TRMT11: variants seen among roughly 807,000 people sequenced by gnomAD.
The protein encoded by TRMT11 is tRNA methyltransferase 11.
TRMT11 carries 53 observed loss-of-function variants against 62.8 expected under a neutral mutation model. That is an observed-to-expected ratio of 0.84 (90% confidence interval 0.68 to 1.06). TRMT11 has a LOEUF of 1.06. Ranked by LOEUF, TRMT11 falls within the 50% of genes least tolerant of loss-of-function variation. The pLI, the probability that TRMT11 is intolerant of heterozygous loss-of-function variation, is 0.00. For synonymous variants in TRMT11, 188 were observed against 190.3 expected, an observed-to-expected ratio of 0.99 and a Z score of 0.10; for missense variants, 556 against 553.4, an observed-to-expected ratio of 1.00 and a Z score of -0.05.
chr6:125,998,090 G>A lies in TRMT11; in HGVS notation c.250G>A (p.Glu84Lys). Residue 84 changes from glutamate (E) to lysine (K), a missense_variant, in exon 4 of 13, where the codon GAG becomes AAG. By Grantham distance (56) the Glu-to-Lys change is moderately conservative. Transcript: ENST00000334379. ...ACTATGGGGTCATGGACAATCTCCT[G>A]AGGAGCTGTACAGTTCTCTTAAAAA... ...FELWGHGQSPEELYSSLKNYP... is the reference protein window; with the variant it reads ...FELWGHGQSPKELYSSLKNYP... The A allele has an allele frequency of 6.2e-7, 1 of 1,613,544 alleles. No individual in the cohort carries two copies. The highest frequency in any genetic ancestry group is 8.5e-7 in the Non-Finnish European group (1 of 1,179,684).
the TRMT11 span, among the ~76,000 whole-genome samples, chr6:126,232,152 G>A: frequency 6.6e-6 from 1 of 152,046 alleles, no homozygotes; most frequent in Non-Finnish European, 1.5e-5. Context: ...TTGTGTTTGT[G>A]TGTGTGTGTG....
At chr6:126,172,710 T>C (rs1778344023), upstream of TRMT11, among the ~76,000 whole-genome samples, 1 of 152,166 alleles carries the variant, frequency 6.6e-6, no homozygotes, top group South Asian at 2.1e-4. Flanking sequence ...CTTTGCAAAC[T>C]AGAGTCTTCA....
At chr6:126,257,899 C>G in the TRMT11 span, 1 of 1,461,520 alleles carries the variant, frequency 6.8e-7, no homozygotes, top group South Asian at 1.1e-5. Flanking sequence ...CCTGAGCCAC[C>G]ATTCACCTGG....
At chr6:126,029,969 A>G (rs936794402) in intron 12 of TRMT11, among the ~76,000 whole-genome samples, 1 of 152,182 alleles carries the variant, frequency 6.6e-6, no homozygotes, top group Non-Finnish European at 1.5e-5. Context: ...AGCACTCTAG[A>G]TATGAAGATT....
intron 5 of TRMT11, 27 bp downstream of exon 5, chr6:125,998,342 C>A: frequency 1.4e-6 from 2 of 1,477,768 alleles, no homozygotes; most frequent in Non-Finnish European, 1.9e-6. Context: ...AAACAAAAAA[C>A]CTACATGATG....
chr6:126,086,221 A>G (rs973298774), intron 17 of TRMT11, among the ~76,000 whole-genome samples: 2 of 152,226 alleles, frequency 1.3e-5, no homozygotes, highest in African/African-American at 4.8e-5. Context: ...GGTTTAATAC[A>G]TCAGATCATG....
downstream of TRMT11, among the ~76,000 whole-genome samples, chr6:126,205,763 G>A (rs1778783153): frequency 6.6e-6 from 1 of 151,988 alleles, no homozygotes; most frequent in African/African-American, 2.4e-5. Context: ...AGGAGTTGAA[G>A]GAAAAATTGT....
chr6:126,058,057 T>A (rs1776421499), intron 17 of TRMT11, among the ~76,000 whole-genome samples: 1 of 152,106 alleles, frequency 6.6e-6, no homozygotes, highest in African/African-American at 2.4e-5. Flanking sequence ...GCTGCACCCA[T>A]CAGCCCGACA....
intron 21 of TRMT11, among the ~76,000 whole-genome samples, chr6:126,136,104 T>C (rs1041578453): frequency 9.9e-5 from 15 of 151,716 alleles, no homozygotes; most frequent in Non-Finnish European, 1.8e-4. Context: ...TTTCACCATA[T>C]GTATTCAACA....
chr6:126,178,687 G>T (rs929570451), intron 1 of TRMT11, among the ~76,000 whole-genome samples: 1 of 152,144 alleles, frequency 6.6e-6, no homozygotes, highest in African/African-American at 2.4e-5. Context: ...TAGAAAAACT[G>T]AGAAAACCAG....
intron 1 of TRMT11, among the ~76,000 whole-genome samples, chr6:126,194,924 G>A (rs1208392690): frequency 2.0e-5 from 3 of 152,056 alleles, no homozygotes; most frequent in Non-Finnish European, 2.9e-5. Context: ...AGATCAGCCC[G>A]AGCAACATAG....
intron 21 of TRMT11, among the ~76,000 whole-genome samples, chr6:126,156,349 C>G (rs1778121621): frequency 1.3e-5 from 2 of 152,172 alleles, no homozygotes; most frequent in Non-Finnish European, 2.9e-5. Context: ...CCTGGCACTG[C>G]CCTCGTAGAG....
intron 16 of TRMT11, among the ~76,000 whole-genome samples, chr6:126,049,645 A>G (rs912996953): frequency 6.6e-6 from 1 of 152,164 alleles, no homozygotes. Context: ...GGGTGATGAG[A>G]CCTACACATA....
chr6:126,074,648 G>T (rs1391753361), intron 17 of TRMT11, among the ~76,000 whole-genome samples: 2 of 152,008 alleles, frequency 1.3e-5, no homozygotes, highest in Admixed American at 6.6e-5. Context: ...TTTTTCTTAA[G>T]AATTTTTTTA....
At chr6:126,268,956 G>A in the TRMT11 span, among the ~76,000 whole-genome samples, 87 of 152,070 alleles carry the variant, frequency 5.7e-4, no homozygotes, top group African/African-American at 2.0e-3. Flanking sequence ...AAACATATTA[G>A]TCATATAAAA....
rs1204623399 is a variant in TRMT11, at chr6:126,068,893, C to T, written c.*1437+15703C>T. 2.6e-5 allele frequency among the ~76,000 whole-genome samples: 4 copies of T among 152,184 alleles called. No homozygotes were observed. In the East Asian group the frequency reaches 7.7e-4, roughly 29 times the overall value. On this transcript the variant is annotated intron_variant and NMD_transcript_variant, in intron 17 of 22. Coordinates refer to the TRMT11 transcript ENST00000648977. ...AGTGAGTGACAATATGCCCGGTCTA[C>T]CAAGTTCAGGTGCACTCTAGAAATG...
At chr6:126,248,505 A>G in the TRMT11 span, among the ~76,000 whole-genome samples, 1 of 152,102 alleles carries the variant, frequency 6.6e-6, no homozygotes, top group Non-Finnish European at 1.5e-5. Flanking sequence ...GATAACAAGA[A>G]AAAAAAACAA....
At chr6:126,141,494 G>C (rs1583887153) in intron 21 of TRMT11, among the ~76,000 whole-genome samples, 1 of 152,100 alleles carries the variant, frequency 6.6e-6, no homozygotes, top group African/African-American at 2.4e-5. Context: ...TTGTACTGCT[G>C]TTGCAAAAAT....
intron 2 of TRMT11, among the ~76,000 whole-genome samples, chr6:125,994,831 G>GCAT (rs996036801): frequency 3.9e-5 from 6 of 152,186 alleles, no homozygotes; most frequent in African/African-American, 1.4e-4. Context: ...CTTTGCAGGG[G>GCAT]CATGGATAGA....
Sources: gnomAD v4.1 joint callset for allele counts (sites outside exome capture counted in the v4.1 genomes callset) on GRCh38, gnomAD v4.1.1 for gene constraint, MANE v1.5 for transcripts, NCBI Gene and HGNC (gene_info 2026-07-23, HGNC 2026-07-21) for gene names.